The following FSHR variants were observed in gnomAD, a reference collection of about 807,000 sequenced individuals.
FSHR encodes follicle stimulating hormone receptor, also known as follicle-stimulating hormone receptor.
FSHR carries 46 observed loss-of-function variants against 52.1 expected under a neutral mutation model. That is an observed-to-expected ratio of 0.88 (90% confidence interval 0.70 to 1.13). FSHR has a LOEUF of 1.13. Among genes scored for constraint, FSHR ranks in the 50% most tolerant of loss-of-function variants. FSHR has a pLI of 0.00. For missense variants in FSHR, 964 were observed against 834.6 expected, an observed-to-expected ratio of 1.16 and a Z score of -1.91; for synonymous variants, 399 against 309.6, an observed-to-expected ratio of 1.29 and a Z score of -3.03.
chr2:48,962,977 T>C lies in FSHR; in HGVS notation c.1844A>G (p.His615Arg). ...SKAKILLVLF[H>R]PINSCANPFL... is the part of the protein sequence containing the mutation. ...GGGGTTGGCACAGGAGTTGATGGGG[T>C]GAAACAGAACCAGCAGAATCTTTGC... is the stretch of plus-strand genomic sequence containing the variant. Residue 615 changes from histidine (H) to arginine (R), a missense_variant, in exon 10 of 10, where the codon CAC becomes CGC. Transcript: ENST00000406846. The C allele has an allele frequency of 6.2e-7, 1 of 1,613,912 alleles. No individual in the cohort carries two copies. The highest frequency in any genetic ancestry group is 1.1e-5 in the South Asian group (1 of 91,064).
intron 1 of FSHR, among the ~76,000 whole-genome samples, chr2:49,080,080 C>CA (rs1670110440): frequency 6.6e-6 from 1 of 151,920 alleles, no homozygotes; most frequent in Non-Finnish European, 1.5e-5. Context: ...TGCAAACGAT[C>CA]AATAAACATG....
chr2:49,147,981 G>T (rs558631931), intron 1 of FSHR, among the ~76,000 whole-genome samples: 2 of 151,930 alleles, frequency 1.3e-5, no homozygotes, highest in Non-Finnish European at 2.9e-5. Flanking sequence ...GTTCAGTTTT[G>T]ATAATCAGAG....
intron 1 of FSHR, among the ~76,000 whole-genome samples, chr2:49,071,912 A>G (rs553150015): frequency 2.0e-5 from 3 of 152,268 alleles, no homozygotes; most frequent in Non-Finnish European, 2.9e-5. Flanking sequence ...CAAGCTGCTC[A>G]TGAGGGATCT....
intron 4 of FSHR, among the ~76,000 whole-genome samples, chr2:49,007,584 G>T (rs1279274634): frequency 6.6e-6 from 1 of 152,098 alleles, no homozygotes; most frequent in African/African-American, 2.4e-5. Context: ...TTTTGGATAT[G>T]TCAGGGGTTC....
intron 2 of FSHR, among the ~76,000 whole-genome samples, chr2:49,056,344 C>A (rs771818912): frequency 2.0e-5 from 3 of 151,122 alleles, no homozygotes; most frequent in Non-Finnish European, 3.0e-5. Flanking sequence ...GCTATACTTA[C>A]ATCAGAAAAA....
intron 8 of FSHR, among the ~76,000 whole-genome samples, chr2:48,981,586 G>A (rs991753089): frequency 6.6e-6 from 1 of 152,126 alleles, no homozygotes; most frequent in South Asian, 2.1e-4. Context: ...AGGCATTCTC[G>A]AATAATCTTT....
chr2:49,063,382 T>C (rs1669382704), intron 2 of FSHR, among the ~76,000 whole-genome samples: 1 of 152,042 alleles, frequency 6.6e-6, no homozygotes, highest in Non-Finnish European at 1.5e-5. Flanking sequence ...ATAGCCAAGG[T>C]ATAGAACCAA....
chr2:49,107,297 T>C (rs1269237298), intron 1 of FSHR, among the ~76,000 whole-genome samples: 1 of 152,122 alleles, frequency 6.6e-6, no homozygotes, highest in Non-Finnish European at 1.5e-5. Context: ...TCTCTTCTTT[T>C]GAAATTTGTC....
intron 1 of FSHR, among the ~76,000 whole-genome samples, chr2:49,087,819 A>G (rs1670456708): frequency 6.6e-6 from 1 of 152,320 alleles, no homozygotes; most frequent in East Asian, 1.9e-4. Flanking sequence ...CACATTATCT[A>G]AGTTTCTTAG....
chr2:49,137,463 G>A (rs1017453782), intron 1 of FSHR, among the ~76,000 whole-genome samples: 1 of 152,074 alleles, frequency 6.6e-6, no homozygotes, highest in East Asian at 1.9e-4. Context: ...TATCCCAGCT[G>A]ATTTCTTTGA....
intron 1 of FSHR, among the ~76,000 whole-genome samples, chr2:49,147,227 A>G (rs753789374): frequency 6.6e-6 from 1 of 152,054 alleles, no homozygotes; most frequent in African/African-American, 2.4e-5. Flanking sequence ...CATTATAATC[A>G]GATCCTAGGC....
intron 2 of FSHR, among the ~76,000 whole-genome samples, chr2:49,048,369 C>T (rs1668736013): frequency 1.3e-5 from 2 of 152,092 alleles, no homozygotes; most frequent in African/African-American, 4.8e-5. Flanking sequence ...AATTAATAAA[C>T]ATCACCTGCC....
In FSHR at chr2:48,988,911, A is replaced by G. The variant is rs377030410; in HGVS notation, c.524+66T>C. 4 of 1,356,798 alleles carry G rather than the reference A, an allele frequency of 2.9e-6. 1 individual carries two copies. The allele number at this position is 1,356,798 out of a possible 1,614,324, so 84.0% of individuals were successfully genotyped here. A position where few individuals can be genotyped will look rare whatever the true frequency, so the allele number is the denominator to read the frequency against. Reference sequence around the variant, plus strand: ...CCAAACAAAAAAGGAGCATCCAATTATGAGAAAGAGATCACTAAATGAAAA... The same window carrying G: ...CCAAACAAAAAAGGAGCATCCAATTGTGAGAAAGAGATCACTAAATGAAAA... On this transcript the variant is annotated intron_variant, in intron 6 of 9. Transcript: ENST00000406846.
intron 1 of FSHR, among the ~76,000 whole-genome samples, chr2:49,147,479 G>C (rs1326614231): frequency 6.6e-6 from 1 of 152,060 alleles, no homozygotes; most frequent in Non-Finnish European, 1.5e-5. Flanking sequence ...TCTTAGAGTA[G>C]AGGACTTGGG....
At position 49,025,090 on chromosome 2, in the gene FSHR, A is replaced by G. The variant is rs1667872699; in HGVS notation, c.225-4930T>C. On this transcript the variant is annotated intron_variant, in intron 2 of 9. Coordinates refer to ENST00000406846, the MANE Select transcript of FSHR (RefSeq NM_000145.4). ...GATTTTCCACCTTTGCTTTTGTACA[A>G]TAAAACCGTGTTCCTGAAAACTTGC... Among the ~76,000 whole-genome samples the G allele has an allele frequency of 2.0e-5, 3 of 152,372 alleles. No homozygotes were observed. The South Asian group carries it at 6.2e-4, about 32-fold the overall frequency.
chr2:49,132,084 C>T (rs1672298590), intron 1 of FSHR, among the ~76,000 whole-genome samples: 1 of 152,148 alleles, frequency 6.6e-6, no homozygotes, highest in Non-Finnish European at 1.5e-5. Flanking sequence ...GGGCTGCATC[C>T]TTGGCTCTTA....
At chr2:48,988,824 G>A (rs1345401868) in intron 6 of FSHR, among the ~76,000 whole-genome samples, 153 bp downstream of exon 6, 1 of 152,204 alleles carries the variant, frequency 6.6e-6, no homozygotes, top group Admixed American at 6.5e-5. Flanking sequence ...ATTCTGAAAT[G>A]TAAAGATGAG....
chr2:49,088,168 G>A (rs534439814), intron 1 of FSHR, among the ~76,000 whole-genome samples: 9 of 152,282 alleles, frequency 5.9e-5, no homozygotes, highest in South Asian at 4.1e-4. Flanking sequence ...AAGCCCATGC[G>A]CACAAGTCTG....
At chr2:49,140,672 C>A (rs912141955) in intron 1 of FSHR, among the ~76,000 whole-genome samples, 101 of 151,766 alleles carry the variant, frequency 6.7e-4, no homozygotes, top group African/African-American at 2.3e-3. Context: ...TGCACTCCAT[C>A]CAGCCTGGGC....
Sources: allele counts gnomAD v4.1 joint callset (sites outside exome capture counted in the v4.1 genomes callset), GRCh38; gene constraint gnomAD v4.1.1; transcripts MANE v1.5; gene names NCBI Gene and HGNC (gene_info 2026-07-23, HGNC 2026-07-21).